PID1: variants seen among roughly 807,000 people sequenced by gnomAD.
The protein encoded by PID1 is phosphotyrosine interaction domain containing 1.
Under a neutral mutation model 19.1 loss-of-function variants are expected in PID1, and 10 were observed. The ratio of observed to expected loss-of-function variants is 0.52; its 90% CI spans 0.32 to 0.89. The LOEUF (loss-of-function observed/expected upper bound fraction) is 0.89. Ranked by LOEUF, PID1 falls within the 40% of genes least tolerant of loss-of-function variation. The probability of loss-of-function intolerance (pLI) is 0.03; values close to 1 mark genes in which losing one functional copy is unlikely to be tolerated. For synonymous variants in PID1, 130 were observed against 116.0 expected, an observed-to-expected ratio of 1.12 and a Z score of -0.78; for missense variants, 248 against 285.3, an observed-to-expected ratio of 0.87 and a Z score of 0.94.
intron 1 of PID1, among the ~76,000 whole-genome samples, chr2:229,208,211 T>G (rs1011042318): frequency 6.6e-6 from 1 of 152,142 alleles, no homozygotes; most frequent in African/African-American, 2.4e-5. Context: ...CGTTGCAAAA[T>G]AGAAGAGCAA....
chr2:229,164,511 C>A (rs1329919749), intron 1 of PID1, among the ~76,000 whole-genome samples: 1 of 152,222 alleles, frequency 6.6e-6, no homozygotes, highest in East Asian at 1.9e-4. Flanking sequence ...GTTATTCCCA[C>A]ATGCCCCTTG....
intron 2 of PID1, among the ~76,000 whole-genome samples, chr2:229,078,496 C>T (rs1011955924): frequency 1.3e-5 from 2 of 152,164 alleles, no homozygotes; most frequent in Admixed American, 6.5e-5. Flanking sequence ...GGAATGCTTC[C>T]AGCTTTGCCC....
rs143301557 is a variant in PID1 at position 229,109,968 on chromosome 2, G to A, written c.177+45850C>T. Among the ~76,000 whole-genome samples the A allele has an allele frequency of 9.4e-3, 1,435 of 152,224 alleles. 21 individuals carry two copies. Among genetic ancestry groups the A allele is most frequent in the African/African-American group, 0.033 (1,363 of 41,532 alleles). Reference sequence around the variant, plus strand: ...AACATATTAAAGAGGACTCCAATTAGTTACTCAGTAATTGGAGGAGTCACT... The same window carrying A: ...AACATATTAAAGAGGACTCCAATTAATTACTCAGTAATTGGAGGAGTCACT... On this transcript the variant is annotated intron_variant, in intron 2 of 2. Coordinates refer to ENST00000392055, the MANE Select transcript of PID1 (RefSeq NM_001100818.2).
At chr2:229,144,034 G>A (rs1559254597) in intron 2 of PID1, among the ~76,000 whole-genome samples, 1 of 152,102 alleles carries the variant, frequency 6.6e-6, no homozygotes, top group Non-Finnish European at 1.5e-5. Context: ...AATGTAACAA[G>A]GGATCATAGA....
Position 229,170,467 on chromosome 2 carries a change from T to C in PID1, c.31-14503A>G, listed in dbSNP as rs115764989. On this transcript the variant is annotated intron_variant, in intron 1 of 2. Coordinates refer to ENST00000392055, the MANE Select transcript of PID1 (RefSeq NM_001100818.2). ...ACATGCACGCATTTACAAAAATTTT[T>C]ATTCTTTTCCCTCCTATTTTCTGCC... Among the ~76,000 whole-genome samples, 173 of 152,334 alleles carry C rather than the reference T, an allele frequency of 1.1e-3. 1 individual carries two copies. The highest frequency in any genetic ancestry group is 4.1e-3 in the African/African-American group (170 of 41,582).
chr2:229,162,426 T>C (rs1002033792), intron 1 of PID1, among the ~76,000 whole-genome samples: 1 of 152,252 alleles, frequency 6.6e-6, no homozygotes, highest in Admixed American at 6.5e-5. Flanking sequence ...TTTTATAAGA[T>C]AACTGGAACA....
chr2:229,040,120 GAA>G (rs59973595), intron 2 of PID1, among the ~76,000 whole-genome samples: 5 of 130,174 alleles, frequency 3.8e-5, no homozygotes, highest in Non-Finnish European at 8.2e-5. Flanking sequence ...TTGTTATGTG[GAA>G]AAAAAAAAAA....
At chr2:229,070,694 G>T (rs1476196055) in intron 2 of PID1, among the ~76,000 whole-genome samples, 2 of 152,118 alleles carry the variant, frequency 1.3e-5, no homozygotes, top group African/African-American at 4.8e-5. Flanking sequence ...AGCAGGAGAG[G>T]CATCAAAAGC....
chr2:229,145,688 G>A (rs539113269), intron 2 of PID1, among the ~76,000 whole-genome samples: 1 of 152,224 alleles, frequency 6.6e-6, no homozygotes, highest in Admixed American at 6.5e-5. Flanking sequence ...GAGGAGAAAA[G>A]TATCTATTCA....
intron 1 of PID1, chr2:229,232,102 G>A (rs1271938454): frequency 6.7e-7 from 1 of 1,486,470 alleles, no homozygotes; most frequent in Non-Finnish European, 8.9e-7. Context: ...CAAGAGGGGA[G>A]GAGCCCTGAT....
chr2:229,239,186 A>C (rs1007011739), intron 1 of PID1, among the ~76,000 whole-genome samples: 21 of 152,306 alleles, frequency 1.4e-4, no homozygotes, highest in Admixed American at 6.5e-4. Flanking sequence ...CTGCACTCCC[A>C]GAGTTTCAGA....
chr2:229,114,367 T>C (rs1695368949), intron 2 of PID1, among the ~76,000 whole-genome samples: 2 of 152,300 alleles, frequency 1.3e-5, no homozygotes, highest in South Asian at 2.1e-4. Flanking sequence ...GTGCTTCACC[T>C]GGACCACTGT....
At chr2:229,242,662 C>A (rs1429819660) in intron 1 of PID1, among the ~76,000 whole-genome samples, 2 of 152,156 alleles carry the variant, frequency 1.3e-5, no homozygotes, top group South Asian at 2.1e-4. Flanking sequence ...CCATTTCCAA[C>A]AGCCTCCTTA....
chr2:229,184,982 A>ACT (rs1691090379), intron 1 of PID1, among the ~76,000 whole-genome samples: 1 of 25,488 alleles, frequency 3.9e-5, no homozygotes, highest in Non-Finnish European at 6.8e-5. Context: ...CTATATATAT[A>ACT]CTATATATAT....
At chr2:229,091,243 T>C (rs1559228580) in intron 2 of PID1, among the ~76,000 whole-genome samples, 1 of 152,036 alleles carries the variant, frequency 6.6e-6, no homozygotes, top group Non-Finnish European at 1.5e-5. Context: ...AAAATTCATA[T>C]AAATGATTAC....
intron 1 of PID1, among the ~76,000 whole-genome samples, chr2:229,265,799 T>TA (rs1690579809): frequency 1.3e-5 from 2 of 152,210 alleles, no homozygotes; most frequent in South Asian, 4.1e-4. Flanking sequence ...CCTCCAAGGC[T>TA]AATTTTCATG....
intron 2 of PID1, among the ~76,000 whole-genome samples, chr2:229,104,743 C>T (rs983388134): frequency 7.2e-5 from 11 of 152,348 alleles, no homozygotes; most frequent in African/African-American, 2.6e-4. Context: ...TTCTGCCTCT[C>T]TGGGCTGACT....
At chr2:229,221,575 C>T (rs1691970899) in intron 1 of PID1, among the ~76,000 whole-genome samples, 1 of 152,162 alleles carries the variant, frequency 6.6e-6, no homozygotes, top group Admixed American at 6.6e-5. Context: ...AGATTTCCCC[C>T]ACGGTACTGC....
At chr2:229,165,596 AT>A (rs1237401232) in intron 1 of PID1, among the ~76,000 whole-genome samples, 1 of 151,912 alleles carries the variant, frequency 6.6e-6, no homozygotes, top group African/African-American at 2.4e-5. Flanking sequence ...AAAAAAAAAA[AT>A]TGTCAGACAT....
Sources: allele counts gnomAD v4.1 joint callset (sites outside exome capture counted in the v4.1 genomes callset), GRCh38; gene constraint gnomAD v4.1.1; transcripts MANE v1.5; gene names NCBI Gene and HGNC (gene_info 2026-07-23, HGNC 2026-07-21).